Variants in ARHGAP15 observed in about 807,000 individuals in gnomAD.
ARHGAP15 encodes Rho GTPase activating protein 15.
A neutral mutation model predicts 63.7 loss-of-function variants in ARHGAP15; 51 were observed. The ratio of observed to expected loss-of-function variants is 0.80; its 90% CI spans 0.64 to 1.01. The LOEUF (loss-of-function observed/expected upper bound fraction) is 1.01. Among genes scored for constraint, ARHGAP15 ranks in the 50% least tolerant of loss-of-function variants. The pLI is 0.00. For synonymous variants in ARHGAP15, 191 were observed against 193.8 expected (o/e 0.99, Z 0.12); for missense variants, 560 against 564.6 (o/e 0.99, Z 0.08).
intron 9 of ARHGAP15, among the ~76,000 whole-genome samples, chr2:143,489,297 C>T (rs1313148895): frequency 6.6e-6 from 1 of 152,340 alleles, no homozygotes; most frequent in East Asian, 1.9e-4. Flanking sequence ...CCGCTAAACA[C>T]ACTCTGATTC....
At chr2:143,557,813 A>C (rs1695871471) in intron 11 of ARHGAP15, among the ~76,000 whole-genome samples, 1 of 152,068 alleles carries the variant, frequency 6.6e-6, no homozygotes, top group African/African-American at 2.4e-5. Context: ...GAAAAGTAAA[A>C]ATAAGAAATT....
At chr2:143,704,577 A>G (rs1484675300) in intron 13 of ARHGAP15, among the ~76,000 whole-genome samples, 3 of 152,200 alleles carry the variant, frequency 2.0e-5, no homozygotes, top group Non-Finnish European at 2.9e-5. Flanking sequence ...TGAGAGCTCT[A>G]TTTTGGACAT....
intron 6 of ARHGAP15, among the ~76,000 whole-genome samples, chr2:143,323,772 AG>A (rs1684126108): frequency 6.6e-6 from 1 of 151,746 alleles, no homozygotes; most frequent in South Asian, 2.1e-4. Context: ...CTGTAGTCTC[AG>A]CTACTCCTAC....
At chr2:143,178,873 T>C (rs571037394) in intron 2 of ARHGAP15, among the ~76,000 whole-genome samples, 2 of 152,394 alleles carry the variant, frequency 1.3e-5, no homozygotes, top group East Asian at 1.9e-4. Context: ...AGAAATGCAA[T>C]ATAGAATTGC....
At chr2:143,378,458 G>C (rs1291488141) in intron 6 of ARHGAP15, among the ~76,000 whole-genome samples, 2 of 151,940 alleles carry the variant, frequency 1.3e-5, no homozygotes, top group African/African-American at 2.4e-5. Context: ...TAATATACTG[G>C]ATCAAACCCA....
intron 12 of ARHGAP15, among the ~76,000 whole-genome samples, chr2:143,645,008 A>T (rs1461460919): frequency 1.3e-5 from 2 of 152,134 alleles, no homozygotes; most frequent in Non-Finnish European, 2.9e-5. Flanking sequence ...TACAGTGAGC[A>T]TGTTTGGAGT....
At chr2:143,166,005 G>GAAA (rs1553442885) in intron 2 of ARHGAP15, among the ~76,000 whole-genome samples, 4 of 39,172 alleles carry the variant, frequency 1.0e-4, no homozygotes, top group South Asian at 7.2e-4. Context: ...AAAGAAAGAA[G>GAAA]GAAGGAAGGA....
chr2:143,243,499 C>A (rs978724220), intron 5 of ARHGAP15, among the ~76,000 whole-genome samples: 2 of 151,966 alleles, frequency 1.3e-5, no homozygotes, highest in African/African-American at 4.8e-5. Context: ...TGTGTACATT[C>A]TTAGATTTAA....
chr2:143,343,811 C>T (rs1174408329), intron 6 of ARHGAP15, among the ~76,000 whole-genome samples: 1 of 152,066 alleles, frequency 6.6e-6, no homozygotes, highest in African/African-American at 2.4e-5. Context: ...CTATTCCTAC[C>T]ATTACACTAA....
At chr2:143,736,054 C>T (rs1160262334) in intron 13 of ARHGAP15, among the ~76,000 whole-genome samples, 1 of 152,154 alleles carries the variant, frequency 6.6e-6, no homozygotes, top group African/African-American at 2.4e-5. Context: ...AAACTGGGCA[C>T]TGGGACTACA....
At chr2:143,472,009 T>G (rs377324289) in intron 8 of ARHGAP15, 1 of 152,250 alleles carries the variant, frequency 6.6e-6, no homozygotes, top group South Asian at 2.1e-4. Flanking sequence ...TCCCCAGAGC[T>G]GACATTCCAT....
intron 12 of ARHGAP15, among the ~76,000 whole-genome samples, chr2:143,637,128 A>G (rs1465469678): frequency 6.6e-6 from 1 of 152,062 alleles, no homozygotes; most frequent in African/African-American, 2.4e-5. Flanking sequence ...CCCTTCTCCA[A>G]ATACCATCAC....
chr2:143,333,220 C>T (rs904539283), intron 6 of ARHGAP15, among the ~76,000 whole-genome samples: 1 of 152,160 alleles, frequency 6.6e-6, no homozygotes, highest in Non-Finnish European at 1.5e-5. Flanking sequence ...ATTTTCTCCA[C>T]CTCTAATATG....
intron 1 of ARHGAP15, among the ~76,000 whole-genome samples, chr2:143,137,899 T>C (rs1434274994): frequency 6.6e-6 from 1 of 152,086 alleles, no homozygotes; most frequent in Non-Finnish European, 1.5e-5. Context: ...AGCTCTCTGC[T>C]AAATGCACTG....
At chr2:143,303,274 A>C (rs577205846) in intron 6 of ARHGAP15, among the ~76,000 whole-genome samples, 1 of 152,110 alleles carries the variant, frequency 6.6e-6, no homozygotes, top group African/African-American at 2.4e-5. Context: ...CTGACAAAGG[A>C]TTAATATCCA....
At position 143,499,717 on chromosome 2, in the gene ARHGAP15, TG is replaced by T. The variant is rs534976805; in HGVS notation, c.826+12223del. The stretch of plus-strand genomic sequence containing the variant: ...AGTAAGCTGTGTAGGAAGTATAAAC[TG>T]TCATAATAGAAGGGTTAGAGTGTTG... On this transcript the variant is annotated intron_variant, in intron 9 of 13. Coordinates refer to ENST00000295095, the MANE Select transcript of ARHGAP15 (RefSeq NM_018460.4). Among the ~76,000 whole-genome samples, 516 of 152,218 alleles carry T rather than the reference TG, an allele frequency of 3.4e-3. 5 individuals are homozygous for T. The highest frequency in any genetic ancestry group is 6.2e-3 in the Non-Finnish European group (420 of 67,994).
chr2:143,559,544 G>C (rs1032781881), intron 11 of ARHGAP15, among the ~76,000 whole-genome samples: 9 of 152,164 alleles, frequency 5.9e-5, no homozygotes, highest in Non-Finnish European at 1.0e-4. Flanking sequence ...GGAGTTTTCT[G>C]AATTAGATGA....
chr2:143,461,718 A>G (rs1319984182), intron 8 of ARHGAP15, among the ~76,000 whole-genome samples: 2 of 152,180 alleles, frequency 1.3e-5, no homozygotes, highest in African/African-American at 4.8e-5. Context: ...CTTGACTGTA[A>G]AGAAAAATTC....
chr2:143,178,903 G>A (rs1313666356), intron 2 of ARHGAP15, among the ~76,000 whole-genome samples: 2 of 152,194 alleles, frequency 1.3e-5, no homozygotes, highest in African/African-American at 2.4e-5. Context: ...GCTTTTCATC[G>A]CCAGTCTGGA....
Sources: gnomAD v4.1 joint callset for allele counts (sites outside exome capture counted in the v4.1 genomes callset) on GRCh38, gnomAD v4.1.1 for gene constraint, MANE v1.5 for transcripts, NCBI Gene and HGNC (gene_info 2026-07-23, HGNC 2026-07-21) for gene names.